IL1RAPL1: variants seen among roughly 807,000 people sequenced by gnomAD.
IL1RAPL1 encodes interleukin 1 receptor accessory protein like 1.
A neutral mutation model predicts 48.4 loss-of-function variants in IL1RAPL1; 3 were observed. That is an observed-to-expected ratio of 0.06 (90% CI 0.03 to 0.16). IL1RAPL1 has a LOEUF of 0.16. Among genes scored for constraint, IL1RAPL1 ranks in the 10% least tolerant of loss-of-function variants. The pLI, the probability that IL1RAPL1 is intolerant of heterozygous loss-of-function variation, is 1.00. For missense variants in IL1RAPL1, 349 were observed against 530.6 expected (o/e 0.66, Z 3.36); for synonymous variants, 185 against 187.7 (o/e 0.99, Z 0.12).
intron 2 of IL1RAPL1, among the ~76,000 whole-genome samples, chrX:28,849,314 G>A (rs187198993): frequency 9.0e-6 from 1 of 111,498 alleles, no homozygotes; most frequent in East Asian, 2.9e-4. Flanking sequence ...CTGAGAACAT[G>A]CACTTCACTG....
rs751272168 is a variant in IL1RAPL1, at chrX:29,876,269, A to G, written c.779-41195A>G. Among the ~76,000 whole-genome samples, 101 of 111,934 alleles carry G rather than the reference A, an allele frequency of 9.0e-4. 1 individual carries two copies. Among genetic ancestry groups the G allele is most frequent in the African/African-American group, 3.0e-3 (92 of 30,840 alleles). The stretch of plus-strand genomic sequence containing the variant: ...TATCAAACAGCAGCTACAGTGTAGT[A>G]TATGCCAACCTCAGAGTGGGTCTCC... On this transcript the variant is annotated intron_variant, in intron 6 of 10. Transcript: ENST00000378993.
intron 2 of IL1RAPL1, among the ~76,000 whole-genome samples, chrX:28,793,099 A>AT (rs1569174095): frequency 9.4e-6 from 1 of 106,457 alleles, no homozygotes; most frequent in Non-Finnish European, 1.9e-5. Context: ...TTTCATACCT[A>AT]TTTTTTTTAG....
intron 1 of IL1RAPL1, among the ~76,000 whole-genome samples, chrX:28,707,113 C>T (rs944402251): frequency 8.9e-6 from 1 of 112,053 alleles, no homozygotes; most frequent in African/African-American, 3.2e-5. Flanking sequence ...CTCTTGGTGC[C>T]CATCCACATG....
intron 5 of IL1RAPL1, among the ~76,000 whole-genome samples, chrX:29,450,889 A>G (rs1409066519): frequency 1.8e-5 from 2 of 111,182 alleles, no homozygotes; most frequent in Admixed American, 1.9e-4. Flanking sequence ...TAATTGCAGA[A>G]TACTTATTTA....
chrX:29,750,113 C>T (rs747801243), intron 6 of IL1RAPL1, among the ~76,000 whole-genome samples: 1 of 112,119 alleles, frequency 8.9e-6, no homozygotes, highest in Admixed American at 9.5e-5. Context: ...ACCCAAAGAG[C>T]CTCCTTTATG....
chrX:28,661,436 T>C (rs1379843616), intron 1 of IL1RAPL1, among the ~76,000 whole-genome samples: 1 of 111,775 alleles, frequency 8.9e-6, no homozygotes, highest in Non-Finnish European at 1.9e-5. Flanking sequence ...TAAATATTTT[T>C]GCATAGTGGG....
At chrX:29,047,665 C>T (rs1220680513) in intron 2 of IL1RAPL1, among the ~76,000 whole-genome samples, 2 of 111,108 alleles carry the variant, frequency 1.8e-5, no homozygotes, top group Non-Finnish European at 3.8e-5. Context: ...CTACCTGTGA[C>T]CACAGAGCCC....
chrX:28,866,249 CTA>C (rs889968019), intron 2 of IL1RAPL1, among the ~76,000 whole-genome samples: 1 of 111,952 alleles, frequency 8.9e-6, no homozygotes, highest in African/African-American at 3.3e-5. Flanking sequence ...GAACTGGAGA[CTA>C]TTATTCTAAG....
intron 6 of IL1RAPL1, among the ~76,000 whole-genome samples, chrX:29,705,929 G>A (rs751575835): frequency 4.5e-5 from 5 of 112,260 alleles, no homozygotes; most frequent in African/African-American, 9.7e-5. Flanking sequence ...TGACAAAGAC[G>A]TACCCTAAAC....
chrX:29,269,376 A>G (rs1438299828), intron 2 of IL1RAPL1, among the ~76,000 whole-genome samples: 1 of 111,391 alleles, frequency 9.0e-6, no homozygotes, highest in African/African-American at 3.3e-5. Context: ...TGGCCAGTAC[A>G]GCTTTTCACG....
intron 3 of IL1RAPL1, among the ~76,000 whole-genome samples, chrX:29,392,353 G>A (rs1031857124): frequency 8.9e-6 from 1 of 111,980 alleles, no homozygotes; most frequent in African/African-American, 3.2e-5. Flanking sequence ...CAGTTATGTC[G>A]CGAGTTTGAT....
intron 5 of IL1RAPL1, among the ~76,000 whole-genome samples, chrX:29,481,203 C>A (rs745800320): frequency 5.3e-5 from 6 of 112,317 alleles, no homozygotes; most frequent in Admixed American, 9.4e-5. Flanking sequence ...TAATGATAAC[C>A]TTTGAGGCTT....
intron 1 of IL1RAPL1, among the ~76,000 whole-genome samples, chrX:28,646,604 G>T (rs1047663860): frequency 8.9e-6 from 1 of 112,463 alleles, no homozygotes; most frequent in African/African-American, 3.2e-5. Flanking sequence ...GAGCAGAGCA[G>T]TGTGGCAATT....
At chrX:29,024,490 C>T (rs1421558387) in intron 2 of IL1RAPL1, among the ~76,000 whole-genome samples, 1 of 111,730 alleles carries the variant, frequency 9.0e-6, no homozygotes, top group Non-Finnish European at 1.9e-5. Flanking sequence ...GTTACTTAAC[C>T]ACTCTGTGCC....
At chrX:29,145,017 C>A (rs1159236198) in intron 2 of IL1RAPL1, among the ~76,000 whole-genome samples, 2 of 110,835 alleles carry the variant, frequency 1.8e-5, no homozygotes, top group African/African-American at 6.6e-5. Context: ...GCATGAGCCA[C>A]CATGCCCGGC....
chrX:28,806,864 A>G (rs766697671), intron 2 of IL1RAPL1, among the ~76,000 whole-genome samples: 5 of 111,032 alleles, frequency 4.5e-5, no homozygotes, highest in Non-Finnish European at 9.5e-5. Flanking sequence ...TGAATTGAGG[A>G]GAGGTTATTA....
chrX:28,687,638 T>C (rs970335198), intron 1 of IL1RAPL1, among the ~76,000 whole-genome samples: 1 of 109,184 alleles, frequency 9.2e-6, no homozygotes, highest in Non-Finnish European at 1.9e-5. Flanking sequence ...AAAAATTAGC[T>C]GGGCGTGGTG....
At chrX:29,661,875 C>T (rs753566671) in intron 5 of IL1RAPL1, among the ~76,000 whole-genome samples, 1 of 111,464 alleles carries the variant, frequency 9.0e-6, no homozygotes, top group South Asian at 3.8e-4. Flanking sequence ...TCTACCACTT[C>T]CACCACCAAC....
chrX:29,001,491 G>A lies in IL1RAPL1; in HGVS notation c.82+212066G>A, dbSNP rs187318756. 2.7e-5 allele frequency among the ~76,000 whole-genome samples: 3 copies of A among 111,580 alleles called. No individual in the cohort carries two copies. In the East Asian group the frequency reaches 8.5e-4, roughly 32 times the overall value. On this transcript the variant is annotated intron_variant, in intron 2 of 10. Coordinates refer to ENST00000378993, the MANE Select transcript of IL1RAPL1 (RefSeq NM_014271.4). ...TCATGTCTTTATTCACACTGACCCT[G>A]TTTTTAATTGTGTGGATTTTCACAG...
Sources: gnomAD v4.1 joint callset for allele counts (sites outside exome capture counted in the v4.1 genomes callset) on GRCh38, gnomAD v4.1.1 for gene constraint, MANE v1.5 for transcripts, NCBI Gene and HGNC (gene_info 2026-07-23, HGNC 2026-07-21) for gene names.